DNAH3: variants seen among roughly 807,000 people sequenced by gnomAD.
DNAH3 encodes the protein axonemal beta dynein heavy chain 3.
In DNAH3, 332 loss-of-function variants were observed where a neutral mutation model predicts 432.5. The ratio of observed to expected loss-of-function variants is 0.77; its 90% CI spans 0.70 to 0.84. The LOEUF (loss-of-function observed/expected upper bound fraction) is 0.84, where lower values mean the gene tolerates loss of function less well. Among genes scored for constraint, DNAH3 ranks in the 40% least tolerant of loss-of-function variants. DNAH3 has a pLI of 0.00. For missense variants in DNAH3, 4,861 were observed against 5,114.0 expected, an observed-to-expected ratio of 0.95 and a Z score of 1.51; for synonymous variants, 1,956 against 1,900.2, an observed-to-expected ratio of 1.03 and a Z score of -0.76.
At chr16:21,158,625 G>A (rs1278463352) in intron 1 of DNAH3, 1 of 152,426 alleles carries the variant, frequency 6.6e-6, no homozygotes. Flanking sequence ...GGGCCAGGGG[G>A]CGGAGGCAGG....
chr16:21,111,419 C>A (rs1360416016), intron 14 of DNAH3, among the ~76,000 whole-genome samples: 1 of 152,128 alleles, frequency 6.6e-6, no homozygotes, highest in Non-Finnish European at 1.5e-5. Context: ...TGCCCTCCAC[C>A]CGCCTACTCC....
intron 58 of DNAH3, among the ~76,000 whole-genome samples, chr16:20,943,226 G>A (rs938283406): frequency 6.6e-5 from 10 of 151,240 alleles, no homozygotes; most frequent in African/African-American, 2.4e-4. Flanking sequence ...GATTACAGGT[G>A]CACGCCACTG....
chr16:21,120,669 G>A (rs2092317000), intron 11 of DNAH3: 1 of 1,265,694 alleles, frequency 7.9e-7, no homozygotes, highest in Non-Finnish European at 1.2e-6. Context: ...CATAGGCCTT[G>A]TTTTCAAACC....
At chr16:20,990,690 G>C (rs557471247) in intron 44 of DNAH3, among the ~76,000 whole-genome samples, 1 of 152,060 alleles carries the variant, frequency 6.6e-6, no homozygotes, top group Non-Finnish European at 1.5e-5. Flanking sequence ...ATCATTATAA[G>C]GTTAACACTC....
intron 50 of DNAH3, among the ~76,000 whole-genome samples, chr16:20,977,758 A>G (rs1043323635): frequency 2.0e-5 from 3 of 152,246 alleles, no homozygotes; most frequent in Non-Finnish European, 4.4e-5. Context: ...CTTCACACAC[A>G]GCACTAGGGA....
intron 18 of DNAH3, among the ~76,000 whole-genome samples, chr16:21,096,660 G>GT (rs1198577860): frequency 6.6e-6 from 1 of 151,406 alleles, no homozygotes; most frequent in Non-Finnish European, 1.5e-5. Context: ...TTTTTTATTT[G>GT]TTTGTTTTGT....
intron 1 of DNAH3, among the ~76,000 whole-genome samples, chr16:21,154,601 A>G (rs1485899296): frequency 6.6e-6 from 1 of 152,204 alleles, no homozygotes; most frequent in African/African-American, 2.4e-5. Flanking sequence ...CACTTAGTAG[A>G]CATCATGTCT....
At chr16:20,999,934 C>T (rs1365104682) in intron 43 of DNAH3, among the ~76,000 whole-genome samples, 1 of 147,572 alleles carries the variant, frequency 6.8e-6, no homozygotes, top group Non-Finnish European at 1.5e-5. Context: ...GAAATTACTA[C>T]TTCCACTACA....
intron 31 of DNAH3, among the ~76,000 whole-genome samples, chr16:21,048,788 G>C (rs2089832690): frequency 6.6e-6 from 1 of 151,764 alleles, no homozygotes; most frequent in South Asian, 2.1e-4. Context: ...CCGCCTCCCA[G>C]GTTCAAGCCA....
At position 21,105,374 on chromosome 16, in the gene DNAH3, C is replaced by T. The variant is rs544525080; in HGVS notation, c.2285-822G>A. On this transcript the variant is annotated intron_variant, in intron 15 of 61. Transcript: ENST00000261383. ...ACTTTAAAACTCTAACTTGACCCAACAAACTTTCAAGGAGCCCTGACTATT... is the reference window on the plus strand; with the variant it reads ...ACTTTAAAACTCTAACTTGACCCAATAAACTTTCAAGGAGCCCTGACTATT... 1.1e-4 allele frequency among the ~76,000 whole-genome samples: 17 copies of T among 152,308 alleles called. No homozygotes were observed. The South Asian group carries it at 3.5e-3, about 32-fold the overall frequency.
intron 56 of DNAH3, 104 bp downstream of exon 56, chr16:20,952,329 A>C: frequency 1.4e-6 from 1 of 692,882 alleles, no homozygotes; most frequent in Non-Finnish European, 2.7e-6. Flanking sequence ...GTTTATGGTG[A>C]GGGAGGGAGG....
At chr16:21,035,613 G>A (rs994207260) in intron 35 of DNAH3, among the ~76,000 whole-genome samples, 1 of 152,144 alleles carries the variant, frequency 6.6e-6, no homozygotes, top group Admixed American at 6.5e-5. Flanking sequence ...GTGAGTACAT[G>A]AATGTTCTGC....
chr16:21,020,389 A>ATATATATAAAATCAC (rs2088125664), intron 40 of DNAH3, among the ~76,000 whole-genome samples: 1 of 29,938 alleles, frequency 3.3e-5, no homozygotes, highest in Non-Finnish European at 6.0e-5. Context: ...ATATATATAT[A>ATATATATAAAATCAC]TATATATATT....
chr16:20,965,464 T>C (rs866510368), intron 52 of DNAH3, 39 bp from the exon 53 acceptor site: 1 of 1,468,090 alleles, frequency 6.8e-7, no homozygotes. Flanking sequence ...TGTTAAGACA[T>C]TCTGGCCAAG....
At chr16:20,954,653 T>C (rs2084476940) in intron 55 of DNAH3, among the ~76,000 whole-genome samples, 160 bp downstream of exon 55, 1 of 152,160 alleles carries the variant, frequency 6.6e-6, no homozygotes, top group South Asian at 2.1e-4. Context: ...TAATAAATCA[T>C]TTAGTATAAG....
chr16:20,993,454 AAT>A (rs1490779318), intron 44 of DNAH3, among the ~76,000 whole-genome samples: 1 of 152,184 alleles, frequency 6.6e-6, no homozygotes, highest in African/African-American at 2.4e-5. Flanking sequence ...TTAAAAAAAT[AAT>A]AGTCTCTGAG....
At chr16:21,091,634 G>T (rs937987618) in intron 18 of DNAH3, among the ~76,000 whole-genome samples, 1 of 152,020 alleles carries the variant, frequency 6.6e-6, no homozygotes, top group Non-Finnish European at 1.5e-5. Flanking sequence ...TGACCAACAT[G>T]GTGAAACCCT....
At chr16:21,031,425 T>A in intron 36 of DNAH3, 139 bp from the exon 37 acceptor site, 1 of 1,098,604 alleles carries the variant, frequency 9.1e-7, no homozygotes, top group Non-Finnish European at 1.3e-6. Flanking sequence ...AAACATGTGC[T>A]CAGTTTTTAT....
intron 14 of DNAH3, 63 bp downstream of exon 14, chr16:21,111,563 C>A: frequency 1.3e-6 from 2 of 1,511,976 alleles, no homozygotes; most frequent in South Asian, 2.4e-5. Context: ...AAGTTCTGGT[C>A]ACTTTTTCGT....
Sources: allele counts gnomAD v4.1 joint callset (sites outside exome capture counted in the v4.1 genomes callset), GRCh38; gene constraint gnomAD v4.1.1; transcripts MANE v1.5; gene names NCBI Gene and HGNC (gene_info 2026-07-23, HGNC 2026-07-21).